The following PCDHA10 variants were observed in gnomAD, a reference collection of about 807,000 sequenced individuals.
PCDHA10 encodes the protein protocadherin alpha-10.
Under a neutral mutation model 61.2 loss-of-function variants are expected in PCDHA10, and 45 were observed. The observed-to-expected ratio is 0.74, with a 90% CI of 0.58 to 0.94. The LOEUF (loss-of-function observed/expected upper bound fraction) is 0.94, where lower values mean the gene tolerates loss of function less well. Among genes scored for constraint, PCDHA10 ranks in the 40% least tolerant of loss-of-function variants. The probability of loss-of-function intolerance (pLI) is 0.00; values close to 1 mark genes in which losing one functional copy is unlikely to be tolerated. For synonymous variants in PCDHA10, 602 were observed against 548.8 expected (o/e 1.10, Z -1.35); for missense variants, 1,278 against 1,236.2 (o/e 1.03, Z -0.51).
chr5:140,960,143 T>C (rs1250145398), intron 1 of PCDHA10, among the ~76,000 whole-genome samples: 1 of 152,208 alleles, frequency 6.6e-6, no homozygotes, highest in Non-Finnish European at 1.5e-5. Context: ...TAGATATTAA[T>C]AGCTTGAGAC....
chr5:140,926,629 G>C, intron 1 of PCDHA10: 1 of 406,364 alleles, frequency 2.5e-6, no homozygotes, highest in Non-Finnish European at 4.2e-6. Flanking sequence ...GCGGCGCTGC[G>C]CTCCTCAACA....
At chr5:140,883,547 G>C in intron 1 of PCDHA10, 1 of 1,614,234 alleles carries the variant, frequency 6.2e-7, no homozygotes, top group Non-Finnish European at 8.5e-7. Flanking sequence ...GGTGGTGACC[G>C]CGCGGGACGG....
At chr5:140,885,073 T>TA (rs1196857475) in intron 1 of PCDHA10, among the ~76,000 whole-genome samples, 2 of 152,226 alleles carry the variant, frequency 1.3e-5, no homozygotes, top group African/African-American at 4.8e-5. Context: ...GATATTATTT[T>TA]AAAGAGCCCC....
At chr5:140,929,690 C>A in intron 1 of PCDHA10, 1 of 278,482 alleles carries the variant, frequency 3.6e-6, no homozygotes, top group Non-Finnish European at 7.0e-6. Flanking sequence ...TAAGAGTCTG[C>A]TTTATATGAA....
rs557035841 is a variant in PCDHA10, at chr5:140,907,537, A to G, written c.2388+49101A>G. On this transcript the variant is annotated intron_variant, in intron 1 of 3. Coordinates refer to ENST00000307360, the MANE Select transcript of PCDHA10 (RefSeq NM_018901.4). ...GTGAGGACAAATCGCTGCCCTTTCT[A>G]TGATGGAAGAGGTCCAATATAATCA... 7.9e-5 allele frequency among the ~76,000 whole-genome samples: 12 copies of G among 152,370 alleles called. No homozygotes were observed. The South Asian group carries it at 1.2e-3, about 16-fold the overall frequency.
At chr5:140,902,102 G>A (rs1407664200) in intron 1 of PCDHA10, among the ~76,000 whole-genome samples, 1 of 151,098 alleles carries the variant, frequency 6.6e-6, no homozygotes, top group African/African-American at 2.4e-5. Context: ...GGAGTCTTTA[G>A]ATTTTTTTAA....
intron 1 of PCDHA10, chr5:140,869,217 G>A: frequency 1.2e-6 from 2 of 1,613,842 alleles, no homozygotes; most frequent in South Asian, 1.1e-5. Context: ...TCTCGGAGGA[G>A]GCCAAACACG....
At position 141,011,371 on chromosome 5, in the gene PCDHA10, G is replaced by A. The variant is rs782444449; in HGVS notation, c.*1434G>A. 6.5e-6 allele frequency: 1 copy of A among 153,724 alleles called. No homozygotes were observed. The highest frequency in any genetic ancestry group is 1.5e-5 in the Non-Finnish European group (1 of 68,022). 9.5% of individuals were successfully genotyped at this position (153,724 alleles called of 1,614,324 possible). On this transcript the variant is annotated 3_prime_UTR_variant, in exon 4 of 4. Transcript: ENST00000307360. ...CTCCCATATGTATGCTGTATGCTAT[G>A]CTAAGACTCCTGAAATATACTTACT...
chr5:140,930,196 T>A (rs1554207641), intron 1 of PCDHA10: 3 of 152,226 alleles, frequency 2.0e-5, no homozygotes, highest in African/African-American at 7.2e-5. Context: ...AATTTTTATG[T>A]CAGAAATATT....
At chr5:140,996,596 C>G (rs1343501273) in intron 3 of PCDHA10, among the ~76,000 whole-genome samples, 1 of 152,156 alleles carries the variant, frequency 6.6e-6, no homozygotes. Flanking sequence ...CCGCCTCCCC[C>G]CATTTTCATT....
At chr5:140,968,231 T>A in intron 1 of PCDHA10, 1 of 1,614,032 alleles carries the variant, frequency 6.2e-7, no homozygotes. Context: ...TGTGTTGCTC[T>A]GTACTGTGCA....
intron 3 of PCDHA10, among the ~76,000 whole-genome samples, chr5:140,984,768 G>A (rs569046665): frequency 7.2e-5 from 11 of 152,172 alleles, no homozygotes; most frequent in African/African-American, 2.4e-4. Flanking sequence ...CTAATCCCAA[G>A]CTTACTTGCT....
At chr5:141,007,749 T>C (rs2098343750) in intron 3 of PCDHA10, among the ~76,000 whole-genome samples, 2 of 152,334 alleles carry the variant, frequency 1.3e-5, no homozygotes, top group South Asian at 4.1e-4. Flanking sequence ...AAGATAACTT[T>C]GGACTCTTAT....
At chr5:140,915,803 A>G (rs2077309798) in intron 1 of PCDHA10, among the ~76,000 whole-genome samples, 1 of 152,026 alleles carries the variant, frequency 6.6e-6, no homozygotes, top group Admixed American at 6.6e-5. Flanking sequence ...ACTACCACCT[A>G]TGTTCACTCA....
intron 1 of PCDHA10, among the ~76,000 whole-genome samples, chr5:140,895,943 TG>T (rs1176755658): frequency 6.6e-6 from 1 of 152,148 alleles, no homozygotes; most frequent in Non-Finnish European, 1.5e-5. Flanking sequence ...CCCGAGTAGC[TG>T]GGATTACAGG....
At chr5:140,859,564 T>C (rs1485342006) in intron 1 of PCDHA10, 1 of 176,228 alleles carries the variant, frequency 5.7e-6, no homozygotes, top group African/African-American at 2.4e-5. Context: ...ACCAATGCCA[T>C]GAATTTGTCA....
chr5:141,011,876 A>G lies in PCDHA10; in HGVS notation c.*1939A>G, dbSNP rs2098422094. ...AATTTTGTTATAATGTACAATTTAG[A>G]AGTTTGATTAATTATATTATCTATT... On this transcript the variant is annotated 3_prime_UTR_variant, in exon 4 of 4. Coordinates refer to ENST00000307360, the MANE Select transcript of PCDHA10 (RefSeq NM_018901.4). 6.5e-6 allele frequency: 1 copy of G among 153,584 alleles called. No individual in the cohort carries two copies. The highest frequency in any genetic ancestry group is 2.4e-5 in the African/African-American group (1 of 41,298). 9.5% of individuals were successfully genotyped at this position (153,584 alleles called of 1,614,324 possible).
At chr5:140,975,364 C>G (rs2096664243) in intron 1 of PCDHA10, among the ~76,000 whole-genome samples, 1 of 152,204 alleles carries the variant, frequency 6.6e-6, no homozygotes, top group South Asian at 2.1e-4. Flanking sequence ...TGCTACATAG[C>G]ATAATGTAAT....
At chr5:140,862,934 G>A (rs1050739882) in intron 1 of PCDHA10, 1 of 542,302 alleles carries the variant, frequency 1.8e-6, no homozygotes, top group South Asian at 1.4e-5. Context: ...TGGCGGCGCT[G>A]TGAGTGAGCT....
Sources: allele counts gnomAD v4.1 joint callset (sites outside exome capture counted in the v4.1 genomes callset), GRCh38; gene constraint gnomAD v4.1.1; transcripts MANE v1.5; gene names NCBI Gene and HGNC (gene_info 2026-07-23, HGNC 2026-07-21).